ANKRD11: variants seen among roughly 807,000 people sequenced by gnomAD.
ANKRD11 encodes ankyrin repeat domain 11.
In ANKRD11, 17 loss-of-function variants were observed where a neutral mutation model predicts 195.7. The observed-to-expected ratio is 0.09, with a 90% CI of 0.06 to 0.13. The LOEUF is 0.13. Ranked by LOEUF, ANKRD11 falls within the 10% of genes least tolerant of loss-of-function variation. ANKRD11 has a pLI of 1.00. For missense variants in ANKRD11, 3,735 were observed against 3,566.1 expected (o/e 1.05, Z -1.21); for synonymous variants, 1,953 against 1,528.1 (o/e 1.28, Z -6.49).
At chr16:89,390,742 T>C (rs572173868) in intron 2 of ANKRD11, among the ~76,000 whole-genome samples, 117 of 152,294 alleles carry the variant, frequency 7.7e-4, no homozygotes, top group South Asian at 2.9e-3. Context: ...GAAAAACACC[T>C]GTGAAAATCT....
chr16:89,300,807 G>A (rs2035806074), intron 4 of ANKRD11: 2 of 696,996 alleles, frequency 2.9e-6, no homozygotes, highest in South Asian at 1.5e-5. Flanking sequence ...AGAGACCAGG[G>A]TGTCATTCAC....
chr16:89,451,477 T>G (rs1396261315), intron 1 of ANKRD11, among the ~76,000 whole-genome samples: 2 of 151,106 alleles, frequency 1.3e-5, no homozygotes, highest in Non-Finnish European at 2.9e-5. Flanking sequence ...AGTTGTGTGA[T>G]CTCAGCTCAC....
Position 89,333,745 on chromosome 16 carries a change from T to C in ANKRD11, c.-59-16667A>G, listed in dbSNP as rs116625559. On this transcript the variant is annotated intron_variant, in intron 2 of 12. Coordinates refer to ENST00000301030, the MANE Select transcript of ANKRD11 (RefSeq NM_013275.6). ...TCCATTCACCCTCTGCAGGACATCT[T>C]GGCTGCTTCCAAGTTTTGGCAATTA... Among the ~76,000 whole-genome samples the C allele has an allele frequency of 2.7e-3, 414 of 152,320 alleles. 6 individuals carry two copies. Among genetic ancestry groups the C allele is most frequent in the African/African-American group, 9.0e-3 (376 of 41,552 alleles).
intron 1 of ANKRD11, among the ~76,000 whole-genome samples, chr16:89,454,122 CT>C (rs1191425493): frequency 6.6e-6 from 1 of 152,192 alleles, no homozygotes; most frequent in Non-Finnish European, 1.5e-5. Context: ...ACAACACCCC[CT>C]GGCACACCAC....
At chr16:89,460,943 AGAG>A (rs1445354409) in intron 1 of ANKRD11, among the ~76,000 whole-genome samples, 2 of 141,720 alleles carry the variant, frequency 1.4e-5, no homozygotes, top group Non-Finnish European at 3.1e-5. Context: ...GACATTCATA[AGAG>A]AAGAAAGGAC....
At chr16:89,345,639 A>C (rs2038905331) in intron 2 of ANKRD11, among the ~76,000 whole-genome samples, 2 of 152,268 alleles carry the variant, frequency 1.3e-5, no homozygotes, top group African/African-American at 4.8e-5. Flanking sequence ...AAATGGACTA[A>C]GAAATACAAG....
At chr16:89,350,358 T>C (rs756765479) in intron 2 of ANKRD11, among the ~76,000 whole-genome samples, 8 of 152,138 alleles carry the variant, frequency 5.3e-5, no homozygotes, top group Admixed American at 2.6e-4. Context: ...ATCTGATGCT[T>C]TGCATGCAAC....
At chr16:89,334,012 T>C (rs2038201095) in intron 2 of ANKRD11, among the ~76,000 whole-genome samples, 1 of 151,774 alleles carries the variant, frequency 6.6e-6, no homozygotes, top group South Asian at 2.1e-4. Context: ...TTTCTCAATC[T>C]ATAAAATACA....
At chr16:89,387,699 A>G (rs868508030) in intron 2 of ANKRD11, among the ~76,000 whole-genome samples, 1 of 146,238 alleles carries the variant, frequency 6.8e-6, no homozygotes, top group African/African-American at 2.5e-5. Context: ...AAAGAAAAAA[A>G]AAAAAAAAAA....
At chr16:89,428,549 G>GA (rs1171186421) in intron 1 of ANKRD11, among the ~76,000 whole-genome samples, 1 of 151,970 alleles carries the variant, frequency 6.6e-6, no homozygotes, top group Non-Finnish European at 1.5e-5. Context: ...AATGATGAAT[G>GA]AATGAATAAA....
intron 2 of ANKRD11, among the ~76,000 whole-genome samples, chr16:89,411,681 TG>T (rs1426585912): frequency 6.6e-6 from 1 of 152,080 alleles, no homozygotes; most frequent in Non-Finnish European, 1.5e-5. Context: ...CCCAGAGTGC[TG>T]GGATTACGGC....
At chr16:89,448,802 G>T (rs532791033) in intron 1 of ANKRD11, among the ~76,000 whole-genome samples, 5 of 152,122 alleles carry the variant, frequency 3.3e-5, no homozygotes, top group African/African-American at 1.2e-4. Flanking sequence ...GCACCGCCCC[G>T]TCCACCGGAG....
chr16:89,303,334 G>A (rs1353698935), intron 4 of ANKRD11, among the ~76,000 whole-genome samples: 1 of 152,206 alleles, frequency 6.6e-6, no homozygotes, highest in African/African-American at 2.4e-5. Flanking sequence ...CAAACACAGG[G>A]TTTCAGGCCT....
chr16:89,484,058 ACG>A (rs1322351384), intron 1 of ANKRD11, among the ~76,000 whole-genome samples: 1 of 152,192 alleles, frequency 6.6e-6, no homozygotes, highest in African/African-American at 2.4e-5. Flanking sequence ...AGCTCTCGAG[ACG>A]CTCTTCGGCT....
intron 11 of ANKRD11, chr16:89,271,969 G>GGAGGAAACGC (rs1567539305): frequency 6.6e-6 from 1 of 152,042 alleles, no homozygotes; most frequent in Non-Finnish European, 1.5e-5. Context: ...GCACAGAATG[G>GGAGGAAACGC]GAGGAAACGC....
At chr16:89,304,944 C>T (rs1490473463) in intron 4 of ANKRD11, among the ~76,000 whole-genome samples, 1 of 152,242 alleles carries the variant, frequency 6.6e-6, no homozygotes, top group East Asian at 1.9e-4. Context: ...CAGGGCTGGA[C>T]ATGCACCGGG....
chr16:89,458,442 T>A (rs2056531139), intron 1 of ANKRD11, among the ~76,000 whole-genome samples: 1 of 152,162 alleles, frequency 6.6e-6, no homozygotes. Context: ...GCCAGGATGG[T>A]CTCGATCTCC....
intron 1 of ANKRD11, among the ~76,000 whole-genome samples, chr16:89,459,689 T>G (rs908823227): frequency 1.3e-5 from 2 of 152,168 alleles, no homozygotes; most frequent in Non-Finnish European, 2.9e-5. Context: ...TCAGGAACAG[T>G]GGCCCATGCT....
chr16:89,407,047 A>G (rs998320443), intron 2 of ANKRD11, among the ~76,000 whole-genome samples: 10 of 151,990 alleles, frequency 6.6e-5, no homozygotes, highest in African/African-American at 2.4e-4. Context: ...TTAGCCGGAC[A>G]TGGTGGCAGG....
Sources: allele counts gnomAD v4.1 joint callset (sites outside exome capture counted in the v4.1 genomes callset), GRCh38; gene constraint gnomAD v4.1.1; transcripts MANE v1.5; gene names NCBI Gene and HGNC (gene_info 2026-07-23, HGNC 2026-07-21).